Variants in LRRC37A2 observed in about 807,000 individuals in gnomAD.
LRRC37A2 encodes leucine-rich repeat-containing protein 37A2.
LRRC37A2 carries 9 observed loss-of-function variants against 68.8 expected under a neutral mutation model. That is an observed-to-expected ratio of 0.13 (90% CI 0.08 to 0.23). The LOEUF (loss-of-function observed/expected upper bound fraction) is 0.23, where lower values mean the gene tolerates loss of function less well. Ranked by LOEUF, LRRC37A2 falls within the 10% of genes least tolerant of loss-of-function variation. The pLI, the probability that LRRC37A2 is intolerant of heterozygous loss-of-function variation, is 1.00. For synonymous variants in LRRC37A2, 63 were observed against 367.6 expected, an observed-to-expected ratio of 0.17 and a Z score of 9.48; for missense variants, 168 against 950.4, an observed-to-expected ratio of 0.18 and a Z score of 10.82.
the LRRC37A2 span, among the ~76,000 whole-genome samples, chr17:46,961,919 C>T: frequency 1.3e-5 from 2 of 152,128 alleles, no homozygotes; most frequent in Non-Finnish European, 2.9e-5. Flanking sequence ...TAGGGGCTGA[C>T]CAATGATTCC....
the LRRC37A2 span, among the ~76,000 whole-genome samples, chr17:46,880,358 A>G: frequency 6.6e-6 from 1 of 152,176 alleles, no homozygotes; most frequent in East Asian, 1.9e-4. Flanking sequence ...CTTTAGAATA[A>G]CAATGGAAGC....
At chr17:46,929,588 A>G in the LRRC37A2 span, 4 of 1,438,558 alleles carry the variant, frequency 2.8e-6, no homozygotes, top group Admixed American at 1.7e-5. Context: ...GTGCACAGTG[A>G]GTAATTAACT....
chr17:46,969,873 C>G, the LRRC37A2 span, among the ~76,000 whole-genome samples: 2 of 152,184 alleles, frequency 1.3e-5, no homozygotes, highest in Admixed American at 6.5e-5. Context: ...CCCTTGCCCC[C>G]TCTCTGGTGC....
chr17:46,851,909 C>A, the LRRC37A2 span, among the ~76,000 whole-genome samples: 5 of 152,202 alleles, frequency 3.3e-5, 1 homozygote, highest in South Asian at 4.1e-4. The surrounding 1 kb of genome is among the most constrained non-coding windows in gnomAD (Gnocchi z 4.3). Context: ...GCTTCCCCGG[C>A]TCCGAATCCA....
At chr17:46,895,337 G>A in the LRRC37A2 span, among the ~76,000 whole-genome samples, 119 of 152,346 alleles carry the variant, frequency 7.8e-4, no homozygotes, top group African/African-American at 2.8e-3. Context: ...CGCAGCCCAA[G>A]GCTTAACCAT....
the LRRC37A2 span, among the ~76,000 whole-genome samples, chr17:47,002,258 T>C: frequency 6.6e-6 from 1 of 152,236 alleles, no homozygotes; most frequent in East Asian, 1.9e-4. Flanking sequence ...CTGGAATACC[T>C]GAGATGTTTT....
At chr17:46,852,015 C>T in the LRRC37A2 span, among the ~76,000 whole-genome samples, 1 of 152,160 alleles carries the variant, frequency 6.6e-6, no homozygotes, top group Non-Finnish European at 1.5e-5. Context: ...CGGACCCTGG[C>T]CCCGTCCGCC....
At chr17:46,865,272 C>T in the LRRC37A2 span, among the ~76,000 whole-genome samples, 1 of 152,328 alleles carries the variant, frequency 6.6e-6, no homozygotes. Flanking sequence ...TGCTCACTAC[C>T]CACTTAGCCC....
chr17:46,771,404 C>A, the LRRC37A2 span, among the ~76,000 whole-genome samples: 1 of 151,438 alleles, frequency 6.6e-6, no homozygotes, highest in Admixed American at 6.6e-5. Flanking sequence ...ACAGGGCGGG[C>A]GCCCCTCGTT....
At chr17:46,768,920 G>A in the LRRC37A2 span, 1 of 1,433,800 alleles carries the variant, frequency 7.0e-7, no homozygotes. This position sits in a 1 kb window ranked among gnomAD's most constrained non-coding sequence, Gnocchi z 5.0. Flanking sequence ...TCTGTGACAG[G>A]AAGAGAACTG....
At chr17:46,896,271 G>A in the LRRC37A2 span, among the ~76,000 whole-genome samples, 5 of 138,682 alleles carry the variant, frequency 3.6e-5, no homozygotes, top group Non-Finnish European at 8.2e-5. Flanking sequence ...TGCAGCCTGG[G>A]CAACAGAGTG....
the LRRC37A2 span, among the ~76,000 whole-genome samples, chr17:46,889,083 A>T: frequency 1.3e-5 from 2 of 152,026 alleles, no homozygotes; most frequent in African/African-American, 4.8e-5. Flanking sequence ...GAAGAGAACC[A>T]TTTCTTCTGA....
chr17:46,856,497 T>C, the LRRC37A2 span, among the ~76,000 whole-genome samples: 2 of 151,964 alleles, frequency 1.3e-5, no homozygotes, highest in African/African-American at 4.8e-5. Flanking sequence ...TCTTTTTTTT[T>C]TTTTTGAGAT....
chr17:46,849,124 C>A, the LRRC37A2 span, among the ~76,000 whole-genome samples: 7 of 152,214 alleles, frequency 4.6e-5, no homozygotes, highest in Admixed American at 4.6e-4. Context: ...GTTCTAACAT[C>A]AGGAGGAGGG....
chr17:46,918,657 C>T, the LRRC37A2 span, among the ~76,000 whole-genome samples: 1 of 151,094 alleles, frequency 6.6e-6, no homozygotes. Flanking sequence ...TCCCAGAGCA[C>T]TACTCACCAA....
chr17:46,966,688 G>T, the LRRC37A2 span: 45 of 524,022 alleles, frequency 8.6e-5, 1 homozygote, highest in Non-Finnish European at 1.0e-5. Flanking sequence ...TTGAACTCTG[G>T]TTCTATCAAC....
At chr17:46,887,113 G>A in the LRRC37A2 span, among the ~76,000 whole-genome samples, 1,207 of 152,218 alleles carry the variant, frequency 7.9e-3, 16 homozygotes, top group East Asian at 0.032. Context: ...CACTGTGCCC[G>A]GCCAGCAAGA....
chr17:46,814,906 G>C, the LRRC37A2 span, among the ~76,000 whole-genome samples: 1 of 152,316 alleles, frequency 6.6e-6, no homozygotes, highest in East Asian at 1.9e-4. Flanking sequence ...TGGGTCCTGG[G>C]ATGGCGAGAA....
chr17:46,950,150 T>C, the LRRC37A2 span, among the ~76,000 whole-genome samples: 1 of 152,216 alleles, frequency 6.6e-6, no homozygotes, highest in South Asian at 2.1e-4. Flanking sequence ...GTTGTTGCCT[T>C]TCCAGTATTT....
Sources: allele counts gnomAD v4.1 joint callset (sites outside exome capture counted in the v4.1 genomes callset), GRCh38; gene constraint gnomAD v4.1.1; non-coding constraint Gnocchi (gnomAD v3.1); transcripts MANE v1.5; gene names NCBI Gene and HGNC (gene_info 2026-07-23, HGNC 2026-07-21).